The following LRP1B variants were observed in gnomAD, a reference collection of about 807,000 sequenced individuals.
LRP1B encodes LDL receptor related protein 1B.
Under a neutral mutation model 556.6 loss-of-function variants are expected in LRP1B, and 217 were observed. That is an observed-to-expected ratio of 0.39 (90% CI 0.35 to 0.44). LRP1B has a LOEUF of 0.44. Ranked by LOEUF, LRP1B falls within the 20% of genes least tolerant of loss-of-function variation. The pLI, the probability that LRP1B is intolerant of heterozygous loss-of-function variation, is 1.00. For synonymous variants in LRP1B, 2,047 were observed against 1,865.8 expected, an observed-to-expected ratio of 1.10 and a Z score of -2.50; for missense variants, 5,053 against 5,620.8, an observed-to-expected ratio of 0.90 and a Z score of 3.23.
intron 2 of LRP1B, among the ~76,000 whole-genome samples, chr2:141,743,797 G>A (rs1693808328): frequency 6.6e-6 from 1 of 151,948 alleles, no homozygotes; most frequent in Non-Finnish European, 1.5e-5. Flanking sequence ...GCATAAAGTT[G>A]ATCATAGTGC....
intron 35 of LRP1B, among the ~76,000 whole-genome samples, chr2:140,728,035 A>G (rs1687653550): frequency 6.6e-6 from 1 of 152,178 alleles, no homozygotes; most frequent in African/African-American, 2.4e-5. Context: ...TTTCAGGTAC[A>G]ATGTTATGAA....
chr2:140,358,180 A>G, intron 73 of LRP1B, 64 bp from the exon 74 acceptor site: 1 of 1,457,028 alleles, frequency 6.9e-7, no homozygotes, highest in Non-Finnish European at 9.4e-7. Context: ...TTGAGCATGT[A>G]ATAGCTCCAA....
At chr2:141,599,151 G>T (rs1687643211) in intron 2 of LRP1B, among the ~76,000 whole-genome samples, 1 of 131,176 alleles carries the variant, frequency 7.6e-6, no homozygotes, top group Non-Finnish European at 1.5e-5. Context: ...GCTGCATTTT[G>T]TCTCTTTGCA....
chr2:141,457,976 T>C (rs550603300), intron 3 of LRP1B, among the ~76,000 whole-genome samples: 1 of 152,268 alleles, frequency 6.6e-6, no homozygotes, highest in East Asian at 1.9e-4. Flanking sequence ...TAAAATGCTC[T>C]AGATTGGACA....
At chr2:140,815,968 T>C (rs1691107659) in intron 31 of LRP1B, among the ~76,000 whole-genome samples, 1 of 152,016 alleles carries the variant, frequency 6.6e-6, no homozygotes, top group Non-Finnish European at 1.5e-5. Context: ...ATAGTCATCT[T>C]ATTTTGCTGT....
At chr2:141,582,589 T>C (rs1322224929) in intron 2 of LRP1B, among the ~76,000 whole-genome samples, 2 of 150,598 alleles carry the variant, frequency 1.3e-5, no homozygotes, top group East Asian at 3.9e-4. Context: ...TGAAATCTTG[T>C]CAGCCTGAAC....
chr2:140,409,792 T>A (rs1196995029), intron 66 of LRP1B, among the ~76,000 whole-genome samples: 2 of 152,060 alleles, frequency 1.3e-5, no homozygotes, highest in African/African-American at 2.4e-5. Flanking sequence ...GGACCAAGAC[T>A]TGAATTCATG....
chr2:141,843,465 A>C (rs1013658864), intron 1 of LRP1B, among the ~76,000 whole-genome samples: 1 of 152,186 alleles, frequency 6.6e-6, no homozygotes, highest in Admixed American at 6.6e-5. Flanking sequence ...AATTAAATGC[A>C]TGATCACAAT....
chr2:141,399,848 T>C (rs1042577506), intron 3 of LRP1B, among the ~76,000 whole-genome samples: 11 of 152,288 alleles, frequency 7.2e-5, no homozygotes, highest in Admixed American at 3.9e-4. Flanking sequence ...ACAAATGATA[T>C]GCCAAGAGCA....
chr2:141,423,850 CACAT>C (rs1183690719), intron 3 of LRP1B, among the ~76,000 whole-genome samples: 1 of 150,964 alleles, frequency 6.6e-6, no homozygotes, highest in Non-Finnish European at 1.5e-5. Flanking sequence ...TACATTTACA[CACAT>C]AGTTTAGTTA....
chr2:140,946,428 C>G (rs1695549589), intron 20 of LRP1B, among the ~76,000 whole-genome samples: 1 of 151,880 alleles, frequency 6.6e-6, no homozygotes, highest in Non-Finnish European at 1.5e-5. Flanking sequence ...GGTGAAAACC[C>G]ATCTCTATTA....
chr2:141,442,842 G>A (rs558247181), intron 3 of LRP1B, among the ~76,000 whole-genome samples: 1 of 152,066 alleles, frequency 6.6e-6, no homozygotes, highest in Non-Finnish European at 1.5e-5. Flanking sequence ...ACGGGCATTT[G>A]GGTTTGTTCC....
intron 11 of LRP1B, among the ~76,000 whole-genome samples, chr2:141,048,319 T>C (rs1468919151): frequency 2.0e-5 from 3 of 152,242 alleles, no homozygotes; most frequent in African/African-American, 4.8e-5. Context: ...TTTCTACTGA[T>C]ACCAAAGTTA....
At chr2:141,131,407 T>TTATATATATATATA (rs67661603) in intron 7 of LRP1B, among the ~76,000 whole-genome samples, 9,349 of 110,270 alleles carry the variant, frequency 0.085, 614 homozygotes, top group African/African-American at 0.12. Context: ...ATGCATAAAG[T>TTATATATATATATA]TATATATATA....
intron 6 of LRP1B, among the ~76,000 whole-genome samples, chr2:141,225,184 G>C (rs1236640742): frequency 3.3e-5 from 5 of 152,042 alleles, no homozygotes; most frequent in Non-Finnish European, 2.9e-5. Context: ...TTTTAGCTAG[G>C]TATACTCTAC....
chr2:141,554,671 A>G (rs1685895715), intron 2 of LRP1B, among the ~76,000 whole-genome samples: 1 of 151,966 alleles, frequency 6.6e-6, no homozygotes, highest in South Asian at 2.1e-4. Flanking sequence ...TCTATGACCT[A>G]TAATCTTTCT....
rs1181382530 is a variant in LRP1B, at chr2:140,595,817, C to A, written c.7194+2814G>T. Among the ~76,000 whole-genome samples the A allele has an allele frequency of 2.6e-5, 4 of 152,016 alleles. 1 individual carries two copies. Among genetic ancestry groups the A allele is most frequent in the Middle Eastern group, 6.4e-3 (2 of 314 alleles). On this transcript the variant is annotated intron_variant, in intron 43 of 90. Transcript: ENST00000389484. The stretch of plus-strand genomic sequence containing the variant: ...TTTAAATGACTTGGTAATGTTCATG[C>A]AATTAGTCAATACCAAATGTGAGGA...
chr2:141,179,936 A>T (rs1399886488), intron 7 of LRP1B, among the ~76,000 whole-genome samples: 1 of 147,610 alleles, frequency 6.8e-6, no homozygotes, highest in Non-Finnish European at 1.5e-5. Context: ...TATAGCCTAC[A>T]GTAAAATCTC....
Position 141,228,593 on chromosome 2 carries a change from G to A in LRP1B, c.850+590C>T, listed in dbSNP as rs184115587. ...TGTCTGTGTGTATGAGTGTGTGTGT[G>A]TGTGTGTGTGTGTGTGTATGTGTGA... On this transcript the variant is annotated intron_variant, in intron 6 of 90. Transcript: ENST00000389484. 2.5e-3 allele frequency among the ~76,000 whole-genome samples: 382 copies of A among 151,594 alleles called. 3 individuals are homozygous for A. In the Middle Eastern group the frequency reaches 0.028, roughly 11 times the overall value.
Sources: gnomAD v4.1 joint callset for allele counts (sites outside exome capture counted in the v4.1 genomes callset) on GRCh38, gnomAD v4.1.1 for gene constraint, MANE v1.5 for transcripts, NCBI Gene and HGNC (gene_info 2026-07-23, HGNC 2026-07-21) for gene names.